BABAM2: variants seen among roughly 807,000 people sequenced by gnomAD.
BABAM2 encodes BRISC and BRCA1 A complex member 2.
In BABAM2, 31 loss-of-function variants were observed where a neutral mutation model predicts 54.7. The observed-to-expected ratio is 0.57, with a 90% CI of 0.43 to 0.77. The LOEUF is 0.77. Among genes scored for constraint, BABAM2 ranks in the 30% least tolerant of loss-of-function variants. BABAM2 has a pLI of 0.00. For missense variants in BABAM2, 364 were observed against 455.8 expected (o/e 0.80, Z 1.83); for synonymous variants, 167 against 162.9 (o/e 1.03, Z -0.19).
chr2:28,060,626 G>A (rs1678780884), intron 6 of BABAM2, among the ~76,000 whole-genome samples: 1 of 152,122 alleles, frequency 6.6e-6, no homozygotes, highest in Non-Finnish European at 1.5e-5. Context: ...GAACTAATAA[G>A]TGAATTTTGT....
intron 7 of BABAM2, among the ~76,000 whole-genome samples, chr2:28,164,339 G>A (rs921770563): frequency 3.3e-5 from 5 of 152,042 alleles, no homozygotes; most frequent in South Asian, 2.1e-4. Flanking sequence ...AGAGGAGTGC[G>A]TCCTGGCCTG....
upstream of BABAM2, among the ~76,000 whole-genome samples, chr2:27,889,224 C>G (rs953182485): frequency 6.6e-6 from 1 of 152,152 alleles, no homozygotes; most frequent in South Asian, 2.1e-4. Flanking sequence ...GACCTATTTT[C>G]TGAGTAGAAT....
At chr2:28,222,696 C>T (rs116719847) in intron 7 of BABAM2, among the ~76,000 whole-genome samples, 152 of 152,326 alleles carry the variant, frequency 1.0e-3, no homozygotes, top group African/African-American at 3.5e-3. Flanking sequence ...AGTTATTAGG[C>T]CAACCTCAAT....
At chr2:28,234,305 G>A (rs1479993075) in intron 7 of BABAM2, among the ~76,000 whole-genome samples, 1 of 152,120 alleles carries the variant, frequency 6.6e-6, no homozygotes, top group Non-Finnish European at 1.5e-5. Flanking sequence ...GTTCTTGGTA[G>A]TGACCGAAGC....
At position 28,092,597 on chromosome 2, in the gene BABAM2, G is replaced by A. The variant is rs186279846; in HGVS notation, c.571-36674G>A. ...GTCTTAAGACAGAGGTATACCATGG[G>A]ATGGGCCCAGGAATCTTTACAGCCC... On this transcript the variant is annotated intron_variant, in intron 6 of 11. Coordinates refer to ENST00000379624, the MANE Select transcript of BABAM2 (RefSeq NM_199191.3). Among the ~76,000 whole-genome samples, 452 of 152,274 alleles carry A rather than the reference G, an allele frequency of 3.0e-3. 2 individuals carry two copies. Among genetic ancestry groups the A allele is most frequent in the African/African-American group, 0.01 (432 of 41,560 alleles).
chr2:28,290,653 T>C lies in BABAM2; in HGVS notation c.935-7685T>C, dbSNP rs79728279. Among the ~76,000 whole-genome samples the C allele has an allele frequency of 3.4e-3, 525 of 152,342 alleles. 2 individuals carry two copies. The highest frequency in any genetic ancestry group is 0.012 in the African/African-American group (493 of 41,570). ...TGCGCTTAAGGACTTCATGGTTCTC[T>C]GCAGTGATTCCTACCTGGGGAGGCG... On this transcript the variant is annotated intron_variant, in intron 10 of 11. Coordinates refer to ENST00000379624, the MANE Select transcript of BABAM2 (RefSeq NM_199191.3).
intron 7 of BABAM2, among the ~76,000 whole-genome samples, chr2:28,158,533 C>G (rs745538806): frequency 2.0e-5 from 3 of 152,254 alleles, no homozygotes; most frequent in Non-Finnish European, 4.4e-5. Context: ...CATGCTAAAT[C>G]TCAGTACCAG....
intron 2 of BABAM2, among the ~76,000 whole-genome samples, chr2:27,901,267 T>G (rs1044566853): frequency 6.6e-6 from 1 of 152,172 alleles, no homozygotes; most frequent in Non-Finnish European, 1.5e-5. Flanking sequence ...GTGATTTTTC[T>G]AATCTTGAAA....
intron 4 of BABAM2, among the ~76,000 whole-genome samples, chr2:28,009,181 T>A (rs55922022): frequency 0.085 from 12,896 of 152,098 alleles, 865 homozygotes; most frequent in African/African-American, 0.18. Flanking sequence ...AAATCATGAA[T>A]AGATTGTATA....
At chr2:27,934,306 T>G (rs1249947217) in intron 3 of BABAM2, among the ~76,000 whole-genome samples, 1 of 152,252 alleles carries the variant, frequency 6.6e-6, no homozygotes, top group African/African-American at 2.4e-5. Context: ...CTGTGATTGT[T>G]GACTCTTGAA....
intron 3 of BABAM2, among the ~76,000 whole-genome samples, chr2:27,946,122 GTAGT>G (rs1257236203): frequency 6.6e-6 from 1 of 152,138 alleles, no homozygotes; most frequent in East Asian, 1.9e-4. Context: ...TCTTAAGAAG[GTAGT>G]TAGTCTTTCA....
chr2:28,102,839 G>T (rs919089447), intron 6 of BABAM2, among the ~76,000 whole-genome samples: 4 of 152,140 alleles, frequency 2.6e-5, no homozygotes, highest in Non-Finnish European at 1.5e-5. Flanking sequence ...CAAAGCCACT[G>T]CCCTCTCTGA....
chr2:28,025,331 T>G lies in BABAM2; in HGVS notation c.406T>G (p.Ser136Ala). The G allele has an allele frequency of 6.2e-7, 1 of 1,612,984 alleles. No homozygotes were observed. Among genetic ancestry groups the G allele is most frequent in the Non-Finnish European group, 8.5e-7 (1 of 1,179,708 alleles). ...QFQCSRLRES[S>A]RLMFEYQTLL... ...CCAATGTAGCCGCCTCCGGGAGAGC[T>G]CCCGCCTCATGTTTGAATACCAGAC... Residue 136 changes from serine to alanine, a missense_variant, in exon 5 of 12, where the codon TCC becomes GCC. By Grantham distance (99) the Ser-to-Ala change is moderately conservative (BLOSUM62 1). Coordinates refer to ENST00000379624, the MANE Select transcript of BABAM2 (RefSeq NM_199191.3).
intron 4 of BABAM2, among the ~76,000 whole-genome samples, chr2:28,024,971 C>T (rs1207500887): frequency 6.6e-6 from 1 of 152,128 alleles, no homozygotes; most frequent in East Asian, 1.9e-4. Flanking sequence ...CCCGGCTTTA[C>T]ACTTCACTTT....
chr2:28,327,372 A>G (rs779956801), intron 11 of BABAM2: 3 of 1,613,882 alleles, frequency 1.9e-6, no homozygotes, highest in Non-Finnish European at 2.5e-6. Flanking sequence ...CCCCAGAGGA[A>G]CTGGCCAAGC....
intron 7 of BABAM2, among the ~76,000 whole-genome samples, chr2:28,145,456 C>G (rs1469666881): frequency 2.0e-5 from 3 of 152,212 alleles, no homozygotes. Context: ...AAGGAAAATA[C>G]ACTGTAGCAG....
chr2:27,912,111 G>C (rs1666646824), intron 2 of BABAM2, among the ~76,000 whole-genome samples: 1 of 152,316 alleles, frequency 6.6e-6, no homozygotes, highest in South Asian at 2.1e-4. Context: ...CCTTGGGAAA[G>C]AATGCTGAAC....
chr2:27,954,330 G>T (rs572231595), intron 3 of BABAM2, among the ~76,000 whole-genome samples: 57 of 152,344 alleles, frequency 3.7e-4, no homozygotes, highest in African/African-American at 1.3e-3. Flanking sequence ...AGATTTGGTC[G>T]CTGGCCATTG....
chr2:28,094,313 A>G (rs1042213785), intron 6 of BABAM2, among the ~76,000 whole-genome samples: 4 of 152,192 alleles, frequency 2.6e-5, no homozygotes, highest in African/African-American at 9.6e-5. Context: ...GGCCCAGAAT[A>G]GGTACTCAAT....
Sources: gnomAD v4.1 joint callset for allele counts (sites outside exome capture counted in the v4.1 genomes callset) on GRCh38, gnomAD v4.1.1 for gene constraint, MANE v1.5 for transcripts, NCBI Gene and HGNC (gene_info 2026-07-23, HGNC 2026-07-21) for gene names.